The following COX10 variants were observed in gnomAD, a reference collection of about 807,000 sequenced individuals.
COX10 encodes cytochrome c oxidase assembly factor heme A:farnesyltransferase COX10.
A neutral mutation model predicts 37.3 loss-of-function variants in COX10; 27 were observed. The observed-to-expected ratio is 0.72, with a 90% CI of 0.53 to 1.00. The LOEUF (loss-of-function observed/expected upper bound fraction) is 1.00. Among genes scored for constraint, COX10 ranks in the 50% least tolerant of loss-of-function variants. The pLI is 0.00. For synonymous variants in COX10, 222 were observed against 229.1 expected, an observed-to-expected ratio of 0.97 and a Z score of 0.28; for missense variants, 475 against 563.2, an observed-to-expected ratio of 0.84 and a Z score of 1.59.
chr17:14,157,350 G>A (rs529279407), intron 4 of COX10, among the ~76,000 whole-genome samples: 354 of 152,298 alleles, frequency 2.3e-3, no homozygotes, highest in African/African-American at 8.3e-3. Context: ...GCCTAAAGAG[G>A]AGCACTGAGA....
At chr17:14,076,030 A>G (rs1431163582) in intron 2 of COX10, among the ~76,000 whole-genome samples, 7 of 146,246 alleles carry the variant, frequency 4.8e-5, no homozygotes, top group Non-Finnish European at 7.5e-5. Context: ...GCCCTGGATT[A>G]TGCCTTACCA....
chr17:14,122,792 A>G (rs930481463), intron 4 of COX10, among the ~76,000 whole-genome samples: 2 of 152,154 alleles, frequency 1.3e-5, no homozygotes, highest in Non-Finnish European at 2.9e-5. Flanking sequence ...GCTTCAATAA[A>G]CCACATTAAA....
chr17:14,192,051 T>C lies in COX10; in HGVS notation c.758T>C (p.Leu253Ser). Reference sequence around the variant, plus strand: ...GTTCCGGGAGTTGCCATTCTGACCTTGGGGGTGAATCCACTCACAGGAGCC... The same window carrying C: ...GTTCCGGGAGTTGCCATTCTGACCTCGGGGGTGAATCCACTCACAGGAGCC... ...CAVPGVAILT[L>S]GVNPLTGALG... The change falls in exon 6 of 7, where the codon TTG (leucine) becomes TCG (serine). Residue 253 changes from leucine (L) to serine (S), a missense_variant. By Grantham distance (145) the Leu-to-Ser change is moderately radical. Coordinates refer to ENST00000261643, the MANE Select transcript of COX10 (RefSeq NM_001303.4). The C allele has an allele frequency of 6.2e-7, 1 of 1,614,174 alleles. No individual in the cohort carries two copies. The highest frequency in any genetic ancestry group is 8.5e-7 in the Non-Finnish European group (1 of 1,180,032).
intron 5 of COX10, among the ~76,000 whole-genome samples, chr17:14,163,953 A>T (rs1905224222): frequency 6.6e-6 from 1 of 151,310 alleles, no homozygotes; most frequent in South Asian, 2.1e-4. Context: ...AGATGGTGTA[A>T]AGCCTTTTAG....
chr17:14,189,102 A>G (rs1156713095), intron 5 of COX10, among the ~76,000 whole-genome samples: 2 of 145,014 alleles, frequency 1.4e-5, no homozygotes, highest in Non-Finnish European at 3.0e-5. Context: ...TTTTTGAAGA[A>G]ATGCCTCAGG....
chr17:14,148,285 T>TA (rs1407566856), intron 4 of COX10, among the ~76,000 whole-genome samples: 3 of 152,188 alleles, frequency 2.0e-5, no homozygotes, highest in Non-Finnish European at 4.4e-5. Flanking sequence ...GAGTCTTACT[T>TA]AGTTTGTTTA....
intron 2 of COX10, among the ~76,000 whole-genome samples, chr17:14,076,206 A>G (rs187997818): frequency 1.5e-3 from 231 of 149,744 alleles, no homozygotes; most frequent in Admixed American, 3.5e-3. Context: ...CTAGGCTCAA[A>G]CAATCCTGCC....
At chr17:14,118,046 T>G (rs987101811) in intron 4 of COX10, among the ~76,000 whole-genome samples, 1 of 152,110 alleles carries the variant, frequency 6.6e-6, no homozygotes. Flanking sequence ...TGTGTTGTTC[T>G]GCCATTGATG....
intron 4 of COX10, among the ~76,000 whole-genome samples, chr17:14,129,720 G>A (rs969821329): frequency 6.6e-6 from 1 of 152,154 alleles, no homozygotes; most frequent in African/African-American, 2.4e-5. Context: ...GATGCAGGCT[G>A]TTTGTGCCTA....
intron 3 of COX10, among the ~76,000 whole-genome samples, chr17:14,083,192 C>T (rs1341737639): frequency 6.6e-6 from 1 of 152,188 alleles, no homozygotes; most frequent in Non-Finnish European, 1.5e-5. Flanking sequence ...TATTCCACGC[C>T]CCAGGTTTCT....
intron 3 of COX10, among the ~76,000 whole-genome samples, chr17:14,087,804 C>T (rs1434844705): frequency 2.0e-5 from 3 of 151,922 alleles, no homozygotes; most frequent in Admixed American, 6.6e-5. Flanking sequence ...TGTGTCCAGC[C>T]TCTTCTCTGG....
chr17:14,197,332 A>G (rs887994732), intron 6 of COX10, among the ~76,000 whole-genome samples: 1 of 152,158 alleles, frequency 6.6e-6, no homozygotes, highest in Non-Finnish European at 1.5e-5. Flanking sequence ...TAAGAATTCC[A>G]GGGGGCCTTG....
intron 4 of COX10, among the ~76,000 whole-genome samples, chr17:14,135,224 A>C (rs1369694292): frequency 6.6e-6 from 1 of 151,706 alleles, no homozygotes; most frequent in Non-Finnish European, 1.5e-5. Context: ...TTTTATTTTA[A>C]TCTTTTTCTT....
intron 5 of COX10, among the ~76,000 whole-genome samples, chr17:14,175,983 G>A (rs1905676108): frequency 6.6e-6 from 1 of 152,210 alleles, no homozygotes; most frequent in African/African-American, 2.4e-5. Context: ...GGAGAAGCCA[G>A]AAATGAGTTG....
intron 4 of COX10, among the ~76,000 whole-genome samples, chr17:14,140,808 T>C (rs1298200156): frequency 6.6e-6 from 1 of 152,150 alleles, no homozygotes; most frequent in Non-Finnish European, 1.5e-5. Context: ...TGCAACGTTA[T>C]GTCTGATTTT....
chr17:14,198,635 G>A (rs1359329352), intron 6 of COX10, among the ~76,000 whole-genome samples: 1 of 152,162 alleles, frequency 6.6e-6, no homozygotes, highest in Non-Finnish European at 1.5e-5. Flanking sequence ...GATGGTTTTA[G>A]TAACAAAAAG....
At chr17:14,154,137 G>A (rs1266712895) in intron 4 of COX10, among the ~76,000 whole-genome samples, 1 of 152,186 alleles carries the variant, frequency 6.6e-6, no homozygotes, top group African/African-American at 2.4e-5. Flanking sequence ...GGGTGGAAGA[G>A]GCGGACTACA....
intron 3 of COX10, among the ~76,000 whole-genome samples, chr17:14,097,231 C>G (rs1205469221): frequency 6.6e-6 from 1 of 151,950 alleles, no homozygotes; most frequent in Non-Finnish European, 1.5e-5. Flanking sequence ...GTCAATTTTA[C>G]TCGTACAATT....
chr17:14,080,577 G>A (rs62054149), intron 3 of COX10, among the ~76,000 whole-genome samples: 9,676 of 152,218 alleles, frequency 0.064, 404 homozygotes, highest in East Asian at 0.11. Flanking sequence ...TACCAGTTTC[G>A]CCAATTTGAT....
Sources: gnomAD v4.1 joint callset for allele counts (sites outside exome capture counted in the v4.1 genomes callset) on GRCh38, gnomAD v4.1.1 for gene constraint, MANE v1.5 for transcripts, NCBI Gene and HGNC (gene_info 2026-07-23, HGNC 2026-07-21) for gene names.